The following NBPF14 variants were observed in gnomAD, a reference collection of about 807,000 sequenced individuals.
NBPF14 encodes NBPF family member NBPF14.
Under a neutral mutation model 91.2 loss-of-function variants are expected in NBPF14, and 104 were observed. That is an observed-to-expected ratio of 1.14 (90% CI 0.97 to 1.34). The LOEUF is 1.34. Ranked by LOEUF, NBPF14 falls within the 40% of genes most tolerant of loss-of-function variation. NBPF14 has a pLI of 0.00. For synonymous variants in NBPF14, 294 were observed against 303.8 expected (o/e 0.97, Z 0.34); for missense variants, 908 against 783.0 (o/e 1.16, Z -1.91).
In NBPF14 at chr1:148,560,303, A is replaced by T. The variant is rs1657598569; in HGVS notation, c.4556+281T>A. Among the ~76,000 whole-genome samples, 5 of 135,690 alleles carry T rather than the reference A, an allele frequency of 3.7e-5. No homozygotes were observed. In the East Asian group the frequency reaches 7.0e-4, roughly 19 times the overall value. 89.0% of individuals were successfully genotyped at this position (135,690 alleles called of 152,430 possible). Reference sequence around the variant, plus strand: ...CACAGCAAACTGTGATCATGAAAAGAGTGAGCTCAATAGTTTTCCATAAAA... The same window carrying T: ...CACAGCAAACTGTGATCATGAAAAGTGTGAGCTCAATAGTTTTCCATAAAA... On this transcript the variant is annotated intron_variant, in intron 36 of 70. Coordinates refer to ENST00000619423, the Ensembl canonical transcript of NBPF14.
In NBPF14 at chr1:148,561,814, C is replaced by G. The variant is rs1192674357; in HGVS notation, c.4275-235G>C. On this transcript the variant is annotated intron_variant, in intron 34 of 70. Coordinates refer to ENST00000619423, the Ensembl canonical transcript of NBPF14. ...ACACACACACACAAACACACACACA[C>G]ACACAGAGAGAGAGAGAGAGAGAGA... is the stretch of plus-strand genomic sequence containing the variant. Among the ~76,000 whole-genome samples, 588 of 131,216 alleles carry G rather than the reference C, an allele frequency of 4.5e-3. 5 individuals are homozygous for G. The highest frequency in any genetic ancestry group is 0.014 in the Middle Eastern group (4 of 278). 86.1% of individuals were successfully genotyped at this position (131,216 alleles called of 152,430 possible).
intron 6 of NBPF14, among the ~76,000 whole-genome samples, chr1:148,590,200 C>T (rs1380240424): frequency 1.4e-5 from 2 of 142,184 alleles, no homozygotes; most frequent in Non-Finnish European, 3.1e-5. Context: ...CAGGCGCCCA[C>T]CACCACGCCC....
intron 3 of NBPF14, among the ~76,000 whole-genome samples, chr1:148,593,098 CAT>C (rs1252625304): frequency 6.8e-6 from 1 of 147,368 alleles, no homozygotes; most frequent in African/African-American, 2.5e-5. Flanking sequence ...TGAAAATACA[CAT>C]AGTGCATCTT....
intron 14 of NBPF14, among the ~76,000 whole-genome samples, chr1:148,577,740 G>A (rs1660178173): frequency 7.1e-6 from 1 of 141,286 alleles, no homozygotes. Context: ...TTTCCCGGCA[G>A]TTACCATGAG....
chr1:148,533,368 A>C (rs1654063480), intron 70 of NBPF14, 120 bp from the exon 71 acceptor site: 1 of 555,836 alleles, frequency 1.8e-6, no homozygotes, highest in Non-Finnish European at 3.2e-6. Context: ...AGAACCATTA[A>C]TGAGGTAAAA....
At position 148,561,319 on chromosome 1, in the gene NBPF14, A is replaced by C. The variant is rs1401280633; in HGVS notation, c.4447+88T>G. The C allele has an allele frequency of 7.5e-4, 122 of 161,648 alleles. 4 individuals carry two copies. In the African/African-American group the frequency reaches 0.026, roughly 34 times the overall value. The allele number at this position is 161,648 out of a possible 1,614,324, so 10.0% of individuals were successfully genotyped here. On this transcript the variant is annotated intron_variant, in intron 35 of 70. Transcript: ENST00000619423. ...CCTCCCTGTGGCAATGACATCTCTC[A>C]GCTCAGTAATGGCCACTTGGAGCAG...
chr1:148,584,956 A>T (rs1661266850), intron 10 of NBPF14, among the ~76,000 whole-genome samples, 185 bp downstream of exon 10: 2 of 147,950 alleles, frequency 1.4e-5, no homozygotes, highest in Admixed American at 1.3e-4. Flanking sequence ...TGCAGACATG[A>T]CACTCAGCAC....
chr1:148,542,234 G>A (rs1655668639), intron 59 of NBPF14, among the ~76,000 whole-genome samples: 1 of 81,264 alleles, frequency 1.2e-5, no homozygotes, highest in Non-Finnish European at 2.0e-5. Context: ...TGAAATTAGA[G>A]TGAAAAAGGA....
At chr1:148,566,588 G>T (rs1441953181) in intron 28 of NBPF14, among the ~76,000 whole-genome samples, 1 of 142,586 alleles carries the variant, frequency 7.0e-6, no homozygotes, top group African/African-American at 2.5e-5. Context: ...TTGTCCAGGT[G>T]ACACACTGAT....
chr1:148,559,734 A>C (rs1339433330), intron 37 of NBPF14, 59 bp downstream of exon 37: 3 of 911,908 alleles, frequency 3.3e-6, no homozygotes, highest in Non-Finnish European at 5.1e-6. Context: ...TGCAGTAGGA[A>C]TATGACCCTA....
chr1:148,577,723 G>T (rs1404570913), intron 14 of NBPF14, among the ~76,000 whole-genome samples: 2 of 143,530 alleles, frequency 1.4e-5, no homozygotes, highest in Non-Finnish European at 3.0e-5. Context: ...CATAAAATGT[G>T]CTCAAGTTTC....
At chr1:148,559,759 T>G in intron 37 of NBPF14, 34 bp downstream of exon 37, 1 of 1,251,304 alleles carries the variant, frequency 8.0e-7, no homozygotes, top group Non-Finnish European at 1.1e-6. Flanking sequence ...GAAGACTCAG[T>G]GGATCCTTAT....
At chr1:148,586,005 T>A (rs1373846699) in intron 9 of NBPF14, among the ~76,000 whole-genome samples, 1 of 151,738 alleles carries the variant, frequency 6.6e-6, no homozygotes, top group Non-Finnish European at 1.5e-5. Context: ...CCTTTAAAAC[T>A]AGACAGATGC....
chr1:148,539,554 C>T, exon 63 of NBPF14: 1 of 262,584 alleles, frequency 3.8e-6, no homozygotes, highest in Non-Finnish European at 6.5e-6. Flanking sequence ...ACTTCAGGCT[C>T]TTTCTCATCC....
intron 43 of NBPF14, among the ~76,000 whole-genome samples, chr1:148,554,723 G>A (rs1225381193): frequency 6.7e-6 from 1 of 149,342 alleles, no homozygotes; most frequent in Admixed American, 6.6e-5. Context: ...GATTGTTCAT[G>A]GTAGTGAGGA....
intron 58 of NBPF14, among the ~76,000 whole-genome samples, 193 bp from the exon 59 acceptor site, chr1:148,542,919 GAT>G (rs1655729867): frequency 6.5e-5 from 1 of 15,354 alleles, no homozygotes; most frequent in African/African-American, 2.8e-4. Flanking sequence ...GAGAAAGACA[GAT>G]AGACACACAC....
chr1:148,576,137 T>G (rs1176403114), intron 16 of NBPF14, among the ~76,000 whole-genome samples: 4 of 105,688 alleles, frequency 3.8e-5, no homozygotes, highest in African/African-American at 2.2e-4. Flanking sequence ...ATGAAAAGAG[T>G]GGGCTCAATA....
chr1:148,587,274 CT>C (rs1275614302), intron 8 of NBPF14, 26 bp downstream of exon 8: 1 of 1,544,184 alleles, frequency 6.5e-7, no homozygotes, highest in Non-Finnish European at 8.9e-7. Context: ...ACCTGCCCCC[CT>C]GCCTGCCCCC....
chr1:148,591,262 TAGAG>T (rs1211199390), intron 5 of NBPF14, among the ~76,000 whole-genome samples, 166 bp downstream of exon 5: 1 of 148,600 alleles, frequency 6.7e-6, no homozygotes, highest in Non-Finnish European at 1.5e-5. Context: ...TTGGCACACA[TAGAG>T]AAACACGACA....
Sources: allele counts gnomAD v4.1 joint callset (sites outside exome capture counted in the v4.1 genomes callset), GRCh38; gene constraint gnomAD v4.1.1; transcripts MANE v1.5; gene names NCBI Gene and HGNC (gene_info 2026-07-23, HGNC 2026-07-21).